Variants in TBC1D5 observed in about 807,000 individuals in gnomAD.
TBC1D5 encodes TBC1 domain family, member 5.
In TBC1D5, 75 loss-of-function variants were observed where a neutral mutation model predicts 100.3. The observed-to-expected ratio is 0.75, with a 90% CI of 0.62 to 0.91. The LOEUF is 0.91. Among genes scored for constraint, TBC1D5 ranks in the 40% least tolerant of loss-of-function variants. The pLI is 0.00. For missense variants in TBC1D5, 910 were observed against 942.4 expected, an observed-to-expected ratio of 0.97 and a Z score of 0.45; for synonymous variants, 323 against 325.6, an observed-to-expected ratio of 0.99 and a Z score of 0.09.
At chr3:17,741,850 C>T (rs1026082271), upstream of TBC1D5, among the ~76,000 whole-genome samples, 1 of 129,284 alleles carries the variant, frequency 7.7e-6, no homozygotes, top group African/African-American at 3.0e-5. Context: ...CCTGAAAGAC[C>T]TCCGTTTCTT....
At chr3:17,225,159 C>T (rs1212986337) in intron 17 of TBC1D5, among the ~76,000 whole-genome samples, 2 of 152,118 alleles carry the variant, frequency 1.3e-5, no homozygotes, top group Admixed American at 1.3e-4. Context: ...AAATAACAGG[C>T]CGGACGCGGT....
chr3:17,537,071 T>C (rs987691318), intron 2 of TBC1D5, among the ~76,000 whole-genome samples: 3 of 152,322 alleles, frequency 2.0e-5, no homozygotes, highest in African/African-American at 7.2e-5. Context: ...TTAAAAAAGA[T>C]GGCTTTGCAG....
At chr3:17,421,707 A>T (rs973345591) in intron 4 of TBC1D5, among the ~76,000 whole-genome samples, 1 of 152,204 alleles carries the variant, frequency 6.6e-6, no homozygotes, top group Non-Finnish European at 1.5e-5. Flanking sequence ...AATAATACAG[A>T]TGTTAACATT....
chr3:17,203,879 T>C (rs756601713), intron 18 of TBC1D5, among the ~76,000 whole-genome samples: 8 of 152,304 alleles, frequency 5.3e-5, no homozygotes, highest in Non-Finnish European at 1.0e-4. Context: ...AATGGACTAA[T>C]ACAGTGCCCT....
intron 3 of TBC1D5, among the ~76,000 whole-genome samples, chr3:17,495,674 A>C (rs1367417582): frequency 6.6e-6 from 1 of 152,204 alleles, no homozygotes; most frequent in African/African-American, 2.4e-5. Flanking sequence ...CTTGCTCACC[A>C]TCTCCTTCTG....
chr3:17,349,064 G>C (rs913114768), intron 13 of TBC1D5, among the ~76,000 whole-genome samples: 1 of 152,148 alleles, frequency 6.6e-6, no homozygotes, highest in Non-Finnish European at 1.5e-5. Flanking sequence ...AGTTGAAAAT[G>C]AGATTAATGG....
rs1311444916 is a variant in TBC1D5 at position 17,639,136 on chromosome 3, C to T, written c.-100-15223G>A. Among the ~76,000 whole-genome samples, 4 of 152,114 alleles carry T rather than the reference C, an allele frequency of 2.6e-5. No individual in the cohort carries two copies. The East Asian group carries it at 7.7e-4, about 29-fold the overall frequency. ...CATAAATGTCCGTGGAATGGACTGA[C>T]AGATGATGAATGTTTTGACAAGACA... On this transcript the variant is annotated intron_variant, in intron 1 of 21. Transcript: ENST00000253692.
chr3:17,159,927 C>T (rs878896521), exon 22 of TBC1D5: 1 of 152,224 alleles, frequency 6.6e-6, no homozygotes, highest in South Asian at 2.1e-4. Flanking sequence ...TGTCTTATGA[C>T]TGCTACCTTA....
At chr3:17,690,093 A>G (rs2070905442) in intron 1 of TBC1D5, among the ~76,000 whole-genome samples, 1 of 152,210 alleles carries the variant, frequency 6.6e-6, no homozygotes, top group African/African-American at 2.4e-5. Flanking sequence ...ACTAGAAAAC[A>G]TAACAAGGAG....
chr3:17,370,982 T>G (rs1260208721), intron 13 of TBC1D5, among the ~76,000 whole-genome samples: 2 of 152,142 alleles, frequency 1.3e-5, no homozygotes, highest in Non-Finnish European at 2.9e-5. Flanking sequence ...AGAACCCTTT[T>G]GTCTGTAGCA....
At chr3:17,596,593 C>T (rs527885030) in intron 2 of TBC1D5, among the ~76,000 whole-genome samples, 2 of 146,558 alleles carry the variant, frequency 1.4e-5, no homozygotes, top group Non-Finnish European at 3.0e-5. Flanking sequence ...GTTGGGATTA[C>T]AAGCATGAGC....
chr3:17,465,932 C>G (rs1477504800), intron 3 of TBC1D5, among the ~76,000 whole-genome samples: 3 of 152,162 alleles, frequency 2.0e-5, no homozygotes. Context: ...TATTTTTACC[C>G]AATTCCTTCT....
At chr3:17,681,962 A>G (rs1383002006) in intron 1 of TBC1D5, among the ~76,000 whole-genome samples, 1 of 151,586 alleles carries the variant, frequency 6.6e-6, no homozygotes, top group Non-Finnish European at 1.5e-5. Flanking sequence ...CAAGGGAGCT[A>G]GGTTGCCTGC....
chr3:17,489,643 G>T (rs2095613699), intron 3 of TBC1D5, among the ~76,000 whole-genome samples: 1 of 152,062 alleles, frequency 6.6e-6, no homozygotes, highest in Non-Finnish European at 1.5e-5. Flanking sequence ...CCATGTCCAG[G>T]GTTCAAGTAT....
intron 13 of TBC1D5, among the ~76,000 whole-genome samples, chr3:17,364,800 G>A (rs963761937): frequency 2.0e-5 from 3 of 152,082 alleles, no homozygotes; most frequent in South Asian, 2.1e-4. Context: ...TTCTTATTAT[G>A]AGTCTTATTA....
intron 13 of TBC1D5, among the ~76,000 whole-genome samples, chr3:17,318,480 TGG>T (rs1338312581): frequency 6.6e-6 from 1 of 152,172 alleles, no homozygotes; most frequent in African/African-American, 2.4e-5. Flanking sequence ...TAGAACCACT[TGG>T]GGGAAAAATT....
intron 14 of TBC1D5, 149 bp downstream of exon 14, chr3:17,307,843 A>C: frequency 1.1e-6 from 1 of 926,830 alleles, no homozygotes; most frequent in South Asian, 1.8e-5. Flanking sequence ...TGTTTAGTAT[A>C]TTCCTTTGAA....
intron 13 of TBC1D5, among the ~76,000 whole-genome samples, chr3:17,354,511 A>G (rs1478327928): frequency 6.6e-6 from 1 of 152,118 alleles, no homozygotes; most frequent in African/African-American, 2.4e-5. Context: ...CGTCTCCAGC[A>G]GCTGCTGTTA....
chr3:17,622,953 A>G (rs944179671), intron 2 of TBC1D5, among the ~76,000 whole-genome samples: 2 of 152,192 alleles, frequency 1.3e-5, no homozygotes, highest in Admixed American at 1.3e-4. Flanking sequence ...TTCAAATTGC[A>G]ATTGCTTAAA....
Sources: gnomAD v4.1 joint callset for allele counts (sites outside exome capture counted in the v4.1 genomes callset) on GRCh38, gnomAD v4.1.1 for gene constraint, MANE v1.5 for transcripts, NCBI Gene and HGNC (gene_info 2026-07-23, HGNC 2026-07-21) for gene names.